The following DMRT2 variants were observed in gnomAD, a reference collection of about 807,000 sequenced individuals.
DMRT2 encodes the protein doublesex and mab-3 related transcription factor 2, also known as doublesex- and mab-3-related transcription factor 2.
Under a neutral mutation model 43.5 loss-of-function variants are expected in DMRT2, and 33 were observed. That is an observed-to-expected ratio of 0.76 (90% CI 0.58 to 1.01). The LOEUF (loss-of-function observed/expected upper bound fraction) is 1.01. DMRT2 is among the 50% of genes least tolerant of loss of function. DMRT2 has a pLI of 0.00. For missense variants in DMRT2, 1,064 were observed against 748.0 expected (o/e 1.42, Z -4.93); for synonymous variants, 395 against 309.2 (o/e 1.28, Z -2.91).
Position 1,051,536 on chromosome 9 carries a change from C to A in DMRT2, c.-44-34C>A, listed in dbSNP as rs1821572914. On this transcript the variant is annotated intron_variant, in intron 1 of 3. Coordinates refer to ENST00000358146, the MANE Select transcript of DMRT2 (RefSeq NM_181872.6). This position sits in a 1 kb window ranked among gnomAD's most constrained non-coding sequence, Gnocchi z 5.9. ...CTCAGGGATGGTCCCTGACGGCGGCCGGTGGGTCTTTGGATTTCTTTGTGT... is the reference window on the plus strand; with the variant it reads ...CTCAGGGATGGTCCCTGACGGCGGCAGGTGGGTCTTTGGATTTCTTTGTGT... The A allele has an allele frequency of 2.1e-6, 3 of 1,428,138 alleles. No individual in the cohort carries two copies. The highest frequency in any genetic ancestry group is 2.9e-5 in the Admixed American group (1 of 34,246). 88.5% of individuals were successfully genotyped at this position (1,428,138 alleles called of 1,614,324 possible).
At position 1,051,716 on chromosome 9, in the gene DMRT2, C is replaced by A. The variant is rs1283269895; in HGVS notation, c.103C>A (p.Pro35Thr). The change falls in exon 2 of 4, where the codon CCC (proline) becomes ACC (threonine). Residue 35 changes from proline (P) to threonine (T), a missense_variant. By Grantham distance (38) the Pro-to-Thr change is conservative (BLOSUM62 -1). Coordinates refer to ENST00000358146, the MANE Select transcript of DMRT2 (RefSeq NM_181872.6). The surrounding 1 kb of genome is among the most constrained non-coding windows in gnomAD (Gnocchi z 5.9). ...DVCGAPRSTP[P>T]GPSPPPADGD... ...CTGCGGGGCGCCGCGGTCCACGCCCCCCGGGCCCAGCCCGCCGCCGGCGGA... is the reference window on the plus strand; with the variant it reads ...CTGCGGGGCGCCGCGGTCCACGCCCACCGGGCCCAGCCCGCCGCCGGCGGA... 5.2e-6 allele frequency: 8 copies of A among 1,542,704 alleles called. No individual in the cohort carries two copies. Among genetic ancestry groups the A allele is most frequent in the East Asian group, 2.5e-5 (1 of 39,980 alleles).
intron 3 of DMRT2, among the ~76,000 whole-genome samples, chr9:1,054,422 TTTG>T: frequency 6.6e-6 from 1 of 151,910 alleles, no homozygotes; most frequent in African/African-American, 2.4e-5. Flanking sequence ...TTTTTTTTTT[TTTG>T]GATTACTTGG....
At chr9:1,052,327 C>G (rs1156880956) in intron 2 of DMRT2, among the ~76,000 whole-genome samples, 189 bp downstream of exon 2, 1 of 152,132 alleles carries the variant, frequency 6.6e-6, no homozygotes, top group Non-Finnish European at 1.5e-5. Flanking sequence ...GCAGGCATCT[C>G]TGGGGAACTT....
intron 2 of DMRT2, 70 bp from the exon 3 acceptor site, chr9:1,053,652 T>A (rs1563722225): frequency 7.7e-7 from 1 of 1,304,752 alleles, no homozygotes; most frequent in Non-Finnish European, 1.1e-6. Context: ...TTTACGGACA[T>A]CCCGTCCTTC....
chr9:1,055,677 A>C (rs1365178979), intron 3 of DMRT2: 18 of 1,426,084 alleles, frequency 1.3e-5, no homozygotes, highest in Admixed American at 2.8e-5. Flanking sequence ...TTCTTTTTCT[A>C]CTCGCTAATC....
rs16928356 is a variant in DMRT2 at position 1,056,517 on chromosome 9, C to G, written c.930C>G (p.Thr310=). 13,532 of 1,614,120 alleles carry G rather than the reference C, an allele frequency of 8.4e-3. 979 individuals carry two copies. In the African/African-American group the frequency reaches 0.16, roughly 19 times the overall value. The change falls in exon 4 of 4, where the codon ACC becomes ACG. Residue 310 remains threonine (T), a synonymous_variant. Coordinates refer to ENST00000358146, the MANE Select transcript of DMRT2 (RefSeq NM_181872.6). Reference sequence around the variant, plus strand: ...TTTTGCCCACCTGCCTTGATTTAACCATGCAGTATTCAGGGTCTGGGAATA... The same window carrying G: ...TTTTGCCCACCTGCCTTGATTTAACGATGCAGTATTCAGGGTCTGGGAATA... ...CNFLPTCLDL[T]MQYSGSGNME...
rs1220423197 is a variant in DMRT2, at chr9:1,051,453, G to C, written c.-44-117G>C. 1 of 1,233,800 alleles carries C rather than the reference G, an allele frequency of 8.1e-7. No homozygotes were observed. Among genetic ancestry groups the C allele is most frequent in the Non-Finnish European group, 1.1e-6 (1 of 944,784 alleles). The allele number at this position is 1,233,800 out of a possible 1,614,324, so 76.4% of individuals were successfully genotyped here. On this transcript the variant is annotated intron_variant, in intron 1 of 3. Transcript: ENST00000358146. This position sits in a 1 kb window ranked among gnomAD's most constrained non-coding sequence, Gnocchi z 5.9. The stretch of plus-strand genomic sequence containing the variant: ...GGCCTGGAAGTGAGGGACATGTAAT[G>C]AGAACAGGATGACTCAAGCGGCCGG...
In DMRT2 at chr9:1,056,726, G is replaced by C. The variant is rs762928577; in HGVS notation, c.1139G>C (p.Gly380Ala). ...LKPGASWDLKGARVQDGLSAE... is the reference protein window; with the variant it reads ...LKPGASWDLKAARVQDGLSAE... The stretch of plus-strand genomic sequence containing the variant: ...CCTGGGGCCAGCTGGGACTTGAAGG[G>C]AGCACGAGTCCAGGATGGACTCAGT... The change falls in exon 4 of 4, where the codon GGA becomes GCA. Residue 380 changes from glycine to alanine, a missense_variant. Transcript: ENST00000358146. 11 of 1,613,972 alleles carry C rather than the reference G, an allele frequency of 6.8e-6. No homozygotes were observed. In the African/African-American group the frequency reaches 1.5e-4, roughly 22 times the overall value.
At position 1,053,734 on chromosome 9, in the gene DMRT2, C is replaced by T. The variant is rs759064574; in HGVS notation, c.538C>T (p.Leu180Phe). 4 of 1,613,628 alleles carry T rather than the reference C, an allele frequency of 2.5e-6. No homozygotes were observed. The South Asian group carries it at 4.4e-5, about 18-fold the overall frequency. ...RQQATEDKKG[L>F]SGKQNNFERK... ...CTTGTGTTTACAGGACAAGAAGGGG[C>T]TTTCCGGGAAACAGAATAATTTCGA... The change falls in exon 3 of 4, where the codon CTT becomes TTT. Residue 180 changes from leucine to phenylalanine, a missense_variant. Coordinates refer to ENST00000358146, the MANE Select transcript of DMRT2 (RefSeq NM_181872.6).
In DMRT2 at chr9:1,051,760, C is replaced by G; in HGVS notation, c.147C>G (p.Asp49Glu). 6.6e-7 allele frequency: 1 copy of G among 1,526,344 alleles called. No individual in the cohort carries two copies. Among genetic ancestry groups the G allele is most frequent in the Non-Finnish European group, 8.8e-7 (1 of 1,139,626 alleles). 94.6% of individuals were successfully genotyped at this position (1,526,344 alleles called of 1,614,324 possible). A position where few individuals can be genotyped will look rare whatever the true frequency, so the allele number is the denominator to read the frequency against. The change falls in exon 2 of 4, where the codon GAC becomes GAG. Residue 49 changes from aspartate to glutamate, a missense_variant. Asp to Glu is a conservative substitution (Grantham distance 45). Coordinates refer to ENST00000358146, the MANE Select transcript of DMRT2 (RefSeq NM_181872.6). This position sits in a 1 kb window ranked among gnomAD's most constrained non-coding sequence, Gnocchi z 5.9. ...PPPADGDCED[D>E]EDDDGVDEDA... ...CGGCGGACGGGGACTGCGAGGACGA[C>G]GAAGATGACGACGGGGTGGACGAAG...
chr9:1,056,162 A>G, intron 3 of DMRT2, 54 bp from the exon 4 acceptor site: 1 of 1,538,498 alleles, frequency 6.5e-7, no homozygotes, highest in Non-Finnish European at 8.7e-7. Flanking sequence ...GGGTTTCCAC[A>G]TTTTTATTCC....
rs181623013 is a variant in DMRT2, at chr9:1,050,794, C to T, written c.-45+19C>T. On this transcript the variant is annotated intron_variant, in intron 1 of 3. Coordinates refer to ENST00000358146, the MANE Select transcript of DMRT2 (RefSeq NM_181872.6). ...AGTTTTGGTGAGTGCTGTGATGCCG[C>T]TCGGGGTGTCAGGGAGGGCAAAGGG... The T allele has an allele frequency of 6.6e-6, 1 of 152,458 alleles. No homozygotes were observed. Among genetic ancestry groups the T allele is most frequent in the East Asian group, 1.9e-4 (1 of 5,186 alleles). 9.4% of individuals were successfully genotyped at this position (152,458 alleles called of 1,614,324 possible). A position where few individuals can be genotyped will look rare whatever the true frequency, so the allele number is the denominator to read the frequency against.
chr9:1,052,497 C>G (rs1442246198), intron 2 of DMRT2, among the ~76,000 whole-genome samples: 1 of 152,002 alleles, frequency 6.6e-6, no homozygotes, highest in Middle Eastern at 3.2e-3. Flanking sequence ...GGTTGATCCA[C>G]AGCACGGCGT....
At chr9:1,052,596 T>A (rs1474431300) in intron 2 of DMRT2, among the ~76,000 whole-genome samples, 2 of 151,990 alleles carry the variant, frequency 1.3e-5, no homozygotes, top group Non-Finnish European at 2.9e-5. Context: ...AGCTGTCACC[T>A]GGACGTTTGA....
chr9:1,051,886 G>T lies in DMRT2; in HGVS notation c.273G>T (p.Ala91=), dbSNP rs1358970209. ...RGGPQPRPPL[A]PQASPAGTGP... is the part of the protein sequence containing the mutation. ...GACCGCAGCCGAGGCCGCCGCTCGC[G>T]CCTCAGGCCTCACCCGCCGGCACCG... Residue 91 remains alanine (A), a synonymous_variant, in exon 2 of 4, where the codon GCG becomes GCT. Transcript: ENST00000358146. The surrounding 1 kb of genome is among the most constrained non-coding windows in gnomAD (Gnocchi z 5.9). The T allele has an allele frequency of 7.3e-7, 1 of 1,367,478 alleles. No individual in the cohort carries two copies. The allele number at this position is 1,367,478 out of a possible 1,614,324, so 84.7% of individuals were successfully genotyped here. A position where few individuals can be genotyped will look rare whatever the true frequency, so the allele number is the denominator to read the frequency against.
rs756386682 is a variant in DMRT2, at chr9:1,052,108, G to A, written c.495G>A (p.Gln165=). 1.4e-5 allele frequency: 20 copies of A among 1,428,608 alleles called. 1 individual carries two copies. The South Asian group carries it at 2.7e-4, about 19-fold the overall frequency. 88.5% of individuals were successfully genotyped at this position (1,428,608 alleles called of 1,614,324 possible). A position where few individuals can be genotyped will look rare whatever the true frequency, so the allele number is the denominator to read the frequency against. The change falls in exon 2 of 4, where the codon CAG becomes CAA. Residue 165 remains glutamine (Q), a synonymous_variant. Transcript: ENST00000358146. ...AGCGGCAGCGCGTCATGGCCGCCCAGGTGGCGCTCCGGAGGCAGCAGGCCA... is the reference window on the plus strand; with the variant it reads ...AGCGGCAGCGCGTCATGGCCGCCCAAGTGGCGCTCCGGAGGCAGCAGGCCA... ...VVERQRVMAA[Q]VALRRQQATE...
Position 1,051,222 on chromosome 9 carries a change from T to G in DMRT2, c.-44-348T>G, listed in dbSNP as rs773359860. 1.6e-4 allele frequency among the ~76,000 whole-genome samples: 24 copies of G among 152,152 alleles called. No homozygotes were observed. Among genetic ancestry groups the G allele is most frequent in the Non-Finnish European group, 3.1e-4 (21 of 68,012 alleles). On this transcript the variant is annotated intron_variant, in intron 1 of 3. Coordinates refer to ENST00000358146, the MANE Select transcript of DMRT2 (RefSeq NM_181872.6). This position sits in a 1 kb window ranked among gnomAD's most constrained non-coding sequence, Gnocchi z 5.9. ...GTTGAGTATGGGGAAATCCGACAAGTGGCCTGGGGCTGCCTATTTGGACAC... is the reference window on the plus strand; with the variant it reads ...GTTGAGTATGGGGAAATCCGACAAGGGGCCTGGGGCTGCCTATTTGGACAC...
Position 1,056,399 on chromosome 9 carries a change from C to T in DMRT2, c.812C>T (p.Pro271Leu), listed in dbSNP as rs776953319. Residue 271 changes from proline to leucine, a missense_variant, in exon 4 of 4, where the codon CCC becomes CTC. Pro to Leu is a moderately conservative substitution (Grantham distance 98, BLOSUM62 -3). Transcript: ENST00000358146. ...ETSQAAALFL[P>L]NRMVPGPDYN... is the part of the protein sequence containing the mutation. ...TCTCAAGCTGCTGCTCTGTTTCTGC[C>T]CAACCGCATGGTGCCTGGACCTGAC... 1 of 1,614,120 alleles carries T rather than the reference C, an allele frequency of 6.2e-7. No homozygotes were observed.
intron 3 of DMRT2, chr9:1,055,805 G>T: frequency 1.3e-6 from 2 of 1,506,338 alleles, no homozygotes; most frequent in Non-Finnish European, 1.8e-6. Context: ...TCTAGGTATA[G>T]ATATATTTTT....
Sources: gnomAD v4.1 joint callset for allele counts (sites outside exome capture counted in the v4.1 genomes callset) on GRCh38, gnomAD v4.1.1 for gene constraint, Gnocchi (gnomAD v3.1) non-coding constraint, MANE v1.5 for transcripts, NCBI Gene and HGNC (gene_info 2026-07-23, HGNC 2026-07-21) for gene names.